Variants in PPM1L observed in about 807,000 individuals in gnomAD.
PPM1L encodes protein phosphatase, Mg2+/Mn2+ dependent 1L.
PPM1L carries 13 observed loss-of-function variants against 31.4 expected under a neutral mutation model. The ratio of observed to expected loss-of-function variants is 0.41; its 90% confidence interval spans 0.27 to 0.66. The LOEUF (loss-of-function observed/expected upper bound fraction) is 0.66, where lower values mean the gene tolerates loss of function less well. Ranked by LOEUF, PPM1L falls within the 30% of genes least tolerant of loss-of-function variation. PPM1L has a pLI of 0.29. For missense variants in PPM1L, 326 were observed against 453.7 expected (o/e 0.72, Z 2.56); for synonymous variants, 184 against 175.4 (o/e 1.05, Z -0.39).
At chr3:160,802,437 T>C (rs1201272945) in intron 1 of PPM1L, among the ~76,000 whole-genome samples, 1 of 152,218 alleles carries the variant, frequency 6.6e-6, no homozygotes, top group African/African-American at 2.4e-5. Flanking sequence ...GTGAGCAATT[T>C]ACTCTGTGTT....
chr3:160,909,604 T>C (rs1199994583), intron 1 of PPM1L, among the ~76,000 whole-genome samples: 1 of 152,008 alleles, frequency 6.6e-6, no homozygotes, highest in Non-Finnish European at 1.5e-5. Context: ...AAGCGAGCCC[T>C]CTCTTAAGGA....
At chr3:160,910,464 A>G (rs1713933382) in intron 1 of PPM1L, among the ~76,000 whole-genome samples, 1 of 151,906 alleles carries the variant, frequency 6.6e-6, no homozygotes, top group South Asian at 2.1e-4. Flanking sequence ...GGCATGCGCC[A>G]CCACACCTGG....
At chr3:160,975,831 T>G (rs1205346810) in intron 2 of PPM1L, among the ~76,000 whole-genome samples, 2 of 150,194 alleles carry the variant, frequency 1.3e-5, no homozygotes, top group Admixed American at 6.6e-5. Flanking sequence ...AGGGACAATT[T>G]GACTTCCTCT....
intron 1 of PPM1L, among the ~76,000 whole-genome samples, chr3:160,952,293 G>A (rs1715598441): frequency 6.6e-6 from 1 of 152,192 alleles, no homozygotes; most frequent in African/African-American, 2.4e-5. Context: ...TGGATTCCAA[G>A]GTGAAACTAA....
chr3:160,895,363 C>A (rs1306857887), intron 1 of PPM1L, among the ~76,000 whole-genome samples: 3 of 148,168 alleles, frequency 2.0e-5, no homozygotes, highest in African/African-American at 7.3e-5. Context: ...CAGGTGTGCA[C>A]CACTGTGCCT....
rs113838192 is a variant in PPM1L at position 160,823,306 on chromosome 3, A to G, written c.399+66599A>G. On this transcript the variant is annotated intron_variant, in intron 1 of 3. Transcript: ENST00000498165. The stretch of plus-strand genomic sequence containing the variant: ...GAGAGAATTTTCAAAAATAGTTGAT[A>G]TATGATATATTAGTACAAAATAATG... Among the ~76,000 whole-genome samples the G allele has an allele frequency of 9.3e-3, 1,406 of 151,988 alleles. 19 individuals carry two copies. The highest frequency in any genetic ancestry group is 0.031 in the African/African-American group (1,292 of 41,520).
At chr3:160,885,798 C>G (rs746419279) in intron 1 of PPM1L, among the ~76,000 whole-genome samples, 1 of 152,262 alleles carries the variant, frequency 6.6e-6, no homozygotes, top group African/African-American at 2.4e-5. Flanking sequence ...TCTCAACAGC[C>G]TCTCAGCTGC....
chr3:160,916,409 TA>T (rs1314576720), intron 1 of PPM1L, among the ~76,000 whole-genome samples: 1 of 152,144 alleles, frequency 6.6e-6, no homozygotes, highest in Non-Finnish European at 1.5e-5. Context: ...CGGAAATTAT[TA>T]AAAATCTTGC....
At chr3:160,764,803 T>A (rs1396921931) in intron 1 of PPM1L, among the ~76,000 whole-genome samples, 1 of 152,196 alleles carries the variant, frequency 6.6e-6, no homozygotes, top group Non-Finnish European at 1.5e-5. Flanking sequence ...TTGAGTGTAT[T>A]TTTTAGTGAT....
intron 1 of PPM1L, among the ~76,000 whole-genome samples, chr3:160,822,276 A>T (rs1383269426): frequency 6.6e-6 from 1 of 152,022 alleles, no homozygotes; most frequent in Non-Finnish European, 1.5e-5. Context: ...TGTTTTTAAA[A>T]AGACAATATG....
chr3:161,063,095 C>G (rs1299345988), intron 2 of PPM1L, among the ~76,000 whole-genome samples: 2 of 152,140 alleles, frequency 1.3e-5, no homozygotes, highest in Non-Finnish European at 2.9e-5. Context: ...ACCTTTCAAA[C>G]TCTAAGACTG....
rs943848025 is a variant in PPM1L at position 161,074,614 on chromosome 3, T to C, written c.*5457T>C. 1 of 152,222 alleles carries C rather than the reference T, an allele frequency of 6.6e-6. No individual in the cohort carries two copies. The highest frequency in any genetic ancestry group is 1.5e-5 in the Non-Finnish European group (1 of 68,034). 9.4% of individuals were successfully genotyped at this position (152,222 alleles called of 1,614,324 possible). The stretch of plus-strand genomic sequence containing the variant: ...ATGCATTTCTAAACATTTTTTCTAA[T>C]ATGTAAATTTGCTGATCCTTAGTAA... On this transcript the variant is annotated 3_prime_UTR_variant, in exon 4 of 4. Coordinates refer to ENST00000498165, the MANE Select transcript of PPM1L (RefSeq NM_139245.4).
intron 1 of PPM1L, among the ~76,000 whole-genome samples, chr3:160,937,828 G>A (rs971250846): frequency 6.6e-6 from 1 of 152,134 alleles, no homozygotes; most frequent in Non-Finnish European, 1.5e-5. Flanking sequence ...GAACTGTTGT[G>A]TCTCAAGTTC....
At chr3:160,778,456 T>A (rs559341094) in intron 1 of PPM1L, among the ~76,000 whole-genome samples, 5 of 152,314 alleles carry the variant, frequency 3.3e-5, no homozygotes, top group African/African-American at 1.2e-4. Flanking sequence ...ATCTGGGTAC[T>A]TGAAATTATG....
intron 2 of PPM1L, among the ~76,000 whole-genome samples, chr3:160,986,541 A>T (rs1188319812): frequency 6.6e-6 from 1 of 152,238 alleles, no homozygotes; most frequent in African/African-American, 2.4e-5. Context: ...GAACCTAGAA[A>T]AATAACATTT....
chr3:160,841,873 T>C (rs1713891619), intron 1 of PPM1L, among the ~76,000 whole-genome samples: 1 of 152,216 alleles, frequency 6.6e-6, no homozygotes, highest in South Asian at 2.1e-4. Context: ...ATTCCTCCTT[T>C]TGGCTTATAA....
intron 3 of PPM1L, among the ~76,000 whole-genome samples, chr3:161,068,567 C>T (rs753797898): frequency 2.0e-5 from 3 of 152,166 alleles, no homozygotes; most frequent in Non-Finnish European, 4.4e-5. Flanking sequence ...GTATCCGCCA[C>T]CTTCAGTACT....
intron 2 of PPM1L, among the ~76,000 whole-genome samples, chr3:160,970,978 G>T (rs963523758): frequency 2.0e-5 from 3 of 152,098 alleles, no homozygotes; most frequent in African/African-American, 2.4e-5. Flanking sequence ...TTTTAGTAGA[G>T]ACGGGGTTTC....
intron 1 of PPM1L, among the ~76,000 whole-genome samples, chr3:160,804,868 CT>C (rs1712549703): frequency 2.0e-5 from 3 of 152,192 alleles, no homozygotes; most frequent in Non-Finnish European, 2.9e-5. Context: ...TGGTTAGCCC[CT>C]ATAGTACTGA....
Sources: allele counts gnomAD v4.1 joint callset (sites outside exome capture counted in the v4.1 genomes callset), GRCh38; gene constraint gnomAD v4.1.1; transcripts MANE v1.5; gene names NCBI Gene and HGNC (gene_info 2026-07-23, HGNC 2026-07-21).